ADCY2: variants seen among roughly 807,000 people sequenced by gnomAD.
The protein encoded by ADCY2 is adenylate cyclase type 2.
A neutral mutation model predicts 125.2 loss-of-function variants in ADCY2; 31 were observed. The observed-to-expected ratio is 0.25, with a 90% CI of 0.19 to 0.33. The LOEUF is 0.33. ADCY2 is among the 10% of genes least tolerant of loss of function. The probability of loss-of-function intolerance (pLI) is 1.00; values close to 1 mark genes in which losing one functional copy is unlikely to be tolerated. For synonymous variants in ADCY2, 512 were observed against 548.4 expected, an observed-to-expected ratio of 0.93 and a Z score of 0.93; for missense variants, 904 against 1,418.2, an observed-to-expected ratio of 0.64 and a Z score of 5.82.
chr5:7,562,021 A>G (rs1735724811), intron 3 of ADCY2, among the ~76,000 whole-genome samples: 1 of 152,148 alleles, frequency 6.6e-6, no homozygotes, highest in Non-Finnish European at 1.5e-5. Flanking sequence ...TAGGCCTTAT[A>G]GATTTCTTGT....
chr5:7,783,113 A>C (rs532147319), intron 18 of ADCY2, among the ~76,000 whole-genome samples: 191 of 152,268 alleles, frequency 1.3e-3, no homozygotes, highest in Admixed American at 5.0e-3. Flanking sequence ...CTGTTTCCTC[A>C]TTCCTGCAGG....
chr5:7,467,202 C>T (rs368471330), intron 2 of ADCY2, among the ~76,000 whole-genome samples: 11 of 152,198 alleles, frequency 7.2e-5, no homozygotes, highest in African/African-American at 2.4e-4. Flanking sequence ...CTCTTAACCG[C>T]TCAGCTATCT....
At chr5:7,421,845 G>A (rs973801626) in intron 2 of ADCY2, among the ~76,000 whole-genome samples, 1 of 152,198 alleles carries the variant, frequency 6.6e-6, no homozygotes, top group African/African-American at 2.4e-5. Flanking sequence ...AGTAATTGGG[G>A]TTTTTGCCAT....
intron 22 of ADCY2, among the ~76,000 whole-genome samples, chr5:7,810,229 A>T (rs185144540): frequency 3.9e-5 from 6 of 152,058 alleles, no homozygotes; most frequent in African/African-American, 1.4e-4. Flanking sequence ...TATCTACCTG[A>T]TTGGTGGGTT....
At chr5:7,561,244 T>C (rs1213683569) in intron 3 of ADCY2, among the ~76,000 whole-genome samples, 1 of 152,238 alleles carries the variant, frequency 6.6e-6, no homozygotes, top group Non-Finnish European at 1.5e-5. Context: ...GGCAGGGATG[T>C]GTTCTGAGAA....
chr5:7,447,796 A>G (rs1166337334), intron 2 of ADCY2, among the ~76,000 whole-genome samples: 1 of 152,162 alleles, frequency 6.6e-6, no homozygotes, highest in African/African-American at 2.4e-5. Context: ...AATTTCTTGC[A>G]CTCACAGTTG....
At chr5:7,477,334 T>C (rs1742563009) in intron 2 of ADCY2, among the ~76,000 whole-genome samples, 1 of 152,246 alleles carries the variant, frequency 6.6e-6, no homozygotes, top group Admixed American at 6.5e-5. Context: ...CCTCACTATG[T>C]GCTTTAGAGT....
At position 7,437,701 on chromosome 5, in the gene ADCY2, C is replaced by T. The variant is rs144641807; in HGVS notation, c.408+22931C>T. The stretch of plus-strand genomic sequence containing the variant: ...TTCCTGAACTCTGAATGTGGTGCAG[C>T]TCCTTCGTTCAACAGGTGAGTAATA... On this transcript the variant is annotated intron_variant, in intron 2 of 24. Coordinates refer to ENST00000338316, the MANE Select transcript of ADCY2 (RefSeq NM_020546.3). Among the ~76,000 whole-genome samples, 227 of 152,340 alleles carry T rather than the reference C, an allele frequency of 1.5e-3. 1 individual carries two copies. Among genetic ancestry groups the T allele is most frequent in the African/African-American group, 5.0e-3 (208 of 41,570 alleles).
At position 7,523,725 on chromosome 5, in the gene ADCY2, A is replaced by G. The variant is rs533018590; in HGVS notation, c.570+2826A>G. ...AAAAACACTTTATTGAATTCTTTTT[A>G]TGCATGGTGTATATAAATTAGAATG... On this transcript the variant is annotated intron_variant, in intron 3 of 24. Coordinates refer to ENST00000338316, the MANE Select transcript of ADCY2 (RefSeq NM_020546.3). 3.9e-5 allele frequency among the ~76,000 whole-genome samples: 6 copies of G among 152,364 alleles called. 1 individual carries two copies. The highest frequency in any genetic ancestry group is 1.4e-4 in the African/African-American group (6 of 41,588).
chr5:7,487,530 T>C (rs1394582614), intron 2 of ADCY2, among the ~76,000 whole-genome samples: 1 of 152,228 alleles, frequency 6.6e-6, no homozygotes, highest in East Asian at 1.9e-4. Flanking sequence ...ACCCAGAGCC[T>C]GACAGAGTCT....
intron 4 of ADCY2, among the ~76,000 whole-genome samples, chr5:7,632,868 G>A (rs1230171266): frequency 6.6e-6 from 1 of 152,184 alleles, no homozygotes; most frequent in African/African-American, 2.4e-5. Flanking sequence ...AATCAAGTCT[G>A]CAGTATTTTC....
At chr5:7,649,452 G>A (rs947592227) in intron 4 of ADCY2, among the ~76,000 whole-genome samples, 1 of 152,234 alleles carries the variant, frequency 6.6e-6, no homozygotes, top group Non-Finnish European at 1.5e-5. Context: ...CATTTCTAGA[G>A]AGAGGAAGAG....
At chr5:7,475,433 G>A (rs1320566343) in intron 2 of ADCY2, among the ~76,000 whole-genome samples, 4 of 152,004 alleles carry the variant, frequency 2.6e-5, no homozygotes, top group East Asian at 1.9e-4. Flanking sequence ...CCAGGCTGGA[G>A]TGCAATGGCA....
At chr5:7,557,289 G>A (rs943833033) in intron 3 of ADCY2, among the ~76,000 whole-genome samples, 9 of 144,322 alleles carry the variant, frequency 6.2e-5, no homozygotes, top group African/African-American at 4.9e-5. Flanking sequence ...ATTGAATAAC[G>A]AGGAGGTATA....
At chr5:7,612,888 C>T (rs1485949675) in intron 3 of ADCY2, among the ~76,000 whole-genome samples, 1 of 152,072 alleles carries the variant, frequency 6.6e-6, no homozygotes, top group African/African-American at 2.4e-5. Context: ...TGGTGGCGGG[C>T]GCCTGTAGCC....
intron 3 of ADCY2, among the ~76,000 whole-genome samples, chr5:7,556,282 T>G (rs975463103): frequency 7.9e-5 from 12 of 152,174 alleles, no homozygotes; most frequent in African/African-American, 2.9e-4. Flanking sequence ...GAGAAGTCAT[T>G]ATGTCCCTAG....
intron 14 of ADCY2, among the ~76,000 whole-genome samples, chr5:7,732,276 G>A (rs1227402281): frequency 6.6e-6 from 1 of 152,208 alleles, no homozygotes; most frequent in African/African-American, 2.4e-5. Flanking sequence ...CAGTCAGATG[G>A]TTATCTTCCC....
At chr5:7,579,547 A>G (rs994849799) in intron 3 of ADCY2, among the ~76,000 whole-genome samples, 1 of 152,206 alleles carries the variant, frequency 6.6e-6, no homozygotes, top group Non-Finnish European at 1.5e-5. Flanking sequence ...AGAGGATAAA[A>G]TAACAGAATG....
intron 10 of ADCY2, among the ~76,000 whole-genome samples, chr5:7,712,551 C>T (rs1415945538): frequency 1.3e-5 from 2 of 152,146 alleles, no homozygotes; most frequent in Admixed American, 6.5e-5. Context: ...TATCAGTCGC[C>T]GGCAGGCCAC....
Sources: gnomAD v4.1 joint callset for allele counts (sites outside exome capture counted in the v4.1 genomes callset) on GRCh38, gnomAD v4.1.1 for gene constraint, MANE v1.5 for transcripts, NCBI Gene and HGNC (gene_info 2026-07-23, HGNC 2026-07-21) for gene names.